Variants in ERCC8 observed in about 807,000 individuals in gnomAD.
The protein encoded by ERCC8 is ERCC excision repair 8, CSA ubiquitin ligase complex subunit.
ERCC8 carries 52 observed loss-of-function variants against 54.9 expected under a neutral mutation model. The observed-to-expected ratio is 0.95, with a 90% CI of 0.76 to 1.19. The LOEUF (loss-of-function observed/expected upper bound fraction) is 1.19, where lower values mean the gene tolerates loss of function less well. Among genes scored for constraint, ERCC8 ranks in the 50% most tolerant of loss-of-function variants. The pLI is 0.00. For missense variants in ERCC8, 514 were observed against 466.1 expected, an observed-to-expected ratio of 1.10 and a Z score of -0.95; for synonymous variants, 146 against 157.2, an observed-to-expected ratio of 0.93 and a Z score of 0.53.
intron 9 of ERCC8, chr5:60,893,627 A>G (rs961826376): frequency 1.9e-5 from 11 of 584,232 alleles, no homozygotes; most frequent in Non-Finnish European, 6.3e-6. Context: ...CTCTCTTCCT[A>G]TACTTCCGGC....
intron 1 of ERCC8, among the ~76,000 whole-genome samples, chr5:60,937,686 G>T (rs1435287263): frequency 6.6e-6 from 1 of 152,264 alleles, no homozygotes; most frequent in Non-Finnish European, 1.5e-5. Context: ...TTTCCAGCAG[G>T]GCTGAGGACT....
chr5:60,933,160 T>G (rs147087674), intron 1 of ERCC8, among the ~76,000 whole-genome samples: 2 of 151,890 alleles, frequency 1.3e-5, no homozygotes, highest in South Asian at 4.1e-4. Flanking sequence ...AAATGGCTTT[T>G]ATAGGATGTA....
At chr5:60,925,502 C>T (rs1462954803) in intron 2 of ERCC8, among the ~76,000 whole-genome samples, 1 of 152,174 alleles carries the variant, frequency 6.6e-6, no homozygotes, top group African/African-American at 2.4e-5. Context: ...AGTATGCCAT[C>T]TTCTCCCAGT....
chr5:60,877,073 G>C (rs1007545615), intron 11 of ERCC8, among the ~76,000 whole-genome samples: 16 of 152,158 alleles, frequency 1.1e-4, no homozygotes, highest in Non-Finnish European at 2.2e-4. Context: ...GTAAGGAAGG[G>C]ATCCAGTTTC....
intron 1 of ERCC8, among the ~76,000 whole-genome samples, chr5:60,929,190 C>G (rs115033096): frequency 2.6e-5 from 4 of 151,716 alleles, no homozygotes; most frequent in Non-Finnish European, 5.9e-5. Context: ...GAAATTTGTA[C>G]GAAAAAAGTT....
intron 9 of ERCC8, among the ~76,000 whole-genome samples, chr5:60,894,901 G>T (rs2112481874): frequency 6.6e-6 from 1 of 151,990 alleles, no homozygotes; most frequent in African/African-American, 2.4e-5. Flanking sequence ...GGCTGGGCGT[G>T]GTCTCACTCC....
intron 4 of ERCC8, among the ~76,000 whole-genome samples, chr5:60,914,035 T>A (rs1039497219): frequency 1.3e-5 from 2 of 152,174 alleles, no homozygotes; most frequent in African/African-American, 4.8e-5. Flanking sequence ...CTGGAATAAG[T>A]GCAATGTGGT....
chr5:60,897,084 G>T (rs975102462), intron 9 of ERCC8, among the ~76,000 whole-genome samples: 5 of 152,042 alleles, frequency 3.3e-5, no homozygotes, highest in African/African-American at 1.2e-4. Context: ...TCTTCCTTGC[G>T]TATCCCAAGG....
rs1043679457 is a variant in ERCC8 at position 60,927,745 on chromosome 5, C to G, written c.173+1119G>C. On this transcript the variant is annotated intron_variant, in intron 2 of 11. Coordinates refer to ENST00000676185, the MANE Select transcript of ERCC8 (RefSeq NM_000082.4). ...GCATGTTTCATAAGTGAGTGCCCCCCCAGCTGTCCTTGAATAGAAGGTGTT... is the reference window on the plus strand; with the variant it reads ...GCATGTTTCATAAGTGAGTGCCCCCGCAGCTGTCCTTGAATAGAAGGTGTT... 2.6e-5 allele frequency among the ~76,000 whole-genome samples: 4 copies of G among 152,098 alleles called. No individual in the cohort carries two copies. The highest frequency in any genetic ancestry group is 5.9e-5 in the Non-Finnish European group (4 of 68,010).
At position 60,902,456 on chromosome 5, in the gene ERCC8, G is replaced by A. The variant is rs1482153763; in HGVS notation, c.603C>T (p.Ile201=). The A allele has an allele frequency of 6.2e-7, 1 of 1,611,830 alleles. No homozygotes were observed. The highest frequency in any genetic ancestry group is 1.7e-5 in the Admixed American group (1 of 59,980). The change falls in exon 7 of 12, where the codon ATC becomes ATT. Residue 201 remains isoleucine (I), a synonymous_variant. Coordinates refer to ENST00000676185, the MANE Select transcript of ERCC8 (RefSeq NM_000082.4). ...AVSWSPRYDY[I]LATASADSRV... ...TTAAATTTTACCTTGCTGTTGCCAA[G>A]ATATAGTCATAACGTGGAGACCAGG...
At chr5:60,887,097 A>C (rs924588954) in intron 11 of ERCC8, among the ~76,000 whole-genome samples, 1 of 152,248 alleles carries the variant, frequency 6.6e-6, no homozygotes, top group Non-Finnish European at 1.5e-5. Context: ...AAACAAATCA[A>C]AATGTTAATA....
intron 9 of ERCC8, chr5:60,891,808 C>T (rs1040747109): frequency 6.3e-6 from 2 of 319,336 alleles, no homozygotes; most frequent in African/African-American, 4.3e-5. Context: ...GGCAAAGACA[C>T]ATAGTTGGGG....
At position 60,899,702 on chromosome 5, in the gene ERCC8, C is replaced by G. The variant is rs779476152; in HGVS notation, c.643G>C (p.Asp215His). The change falls in exon 8 of 12, where the codon GAT (aspartate) becomes CAT (histidine). Residue 215 changes from aspartate (D) to histidine (H), a missense_variant. Asp to His is a moderately conservative substitution (Grantham distance 81). Transcript: ENST00000676185. ...AAACATCCTGATGCTCTTCTCACAT[C>G]CCATAATTTTACTCTACTGTCAGCA... ...ASADSRVKLW[D>H]VRRASGCLIT... 1 of 1,611,998 alleles carries G rather than the reference C, an allele frequency of 6.2e-7. No individual in the cohort carries two copies. Among genetic ancestry groups the G allele is most frequent in the Non-Finnish European group, 8.5e-7 (1 of 1,178,664 alleles).
At chr5:60,903,761 C>CAAGGA in intron 5 of ERCC8, 45 bp from the exon 6 acceptor site, 1 of 1,580,704 alleles carries the variant, frequency 6.3e-7, no homozygotes, top group Non-Finnish European at 8.7e-7. Flanking sequence ...CATAAGTCAT[C>CAAGGA]ATCAAAAGGA....
intron 4 of ERCC8, among the ~76,000 whole-genome samples, chr5:60,916,321 T>G (rs149608271): frequency 3.3e-4 from 50 of 152,182 alleles, no homozygotes; most frequent in African/African-American, 1.2e-3. Flanking sequence ...ATCCAATGCC[T>G]GTCTTCTCAG....
intron 3 of ERCC8, 121 bp downstream of exon 3, chr5:60,921,933 T>A: frequency 1.7e-6 from 1 of 580,936 alleles, no homozygotes; most frequent in Non-Finnish European, 3.1e-6. Context: ...GCCATGCAAA[T>A]GTGTTATGTG....
intron 11 of ERCC8, among the ~76,000 whole-genome samples, chr5:60,886,881 T>C (rs4647133): frequency 6.6e-6 from 1 of 152,012 alleles, no homozygotes; most frequent in Non-Finnish European, 1.5e-5. Context: ...TTTACAATAA[T>C]CAACAGAAAT....
chr5:60,907,114 T>C (rs982223389), intron 4 of ERCC8, among the ~76,000 whole-genome samples: 9 of 152,336 alleles, frequency 5.9e-5, no homozygotes, highest in Non-Finnish European at 1.2e-4. Flanking sequence ...ATTTCAGTAA[T>C]GACTGCCAGT....
Position 60,899,706 on chromosome 5 carries a change from T to A in ERCC8, c.639A>T (p.Leu213Phe), listed in dbSNP as rs749238707. The A allele has an allele frequency of 5.0e-6, 8 of 1,611,812 alleles. No individual in the cohort carries two copies. In the East Asian group the frequency reaches 1.8e-4, roughly 36 times the overall value. Residue 213 changes from leucine (L) to phenylalanine (F), a missense_variant, in exon 8 of 12, where the codon TTA becomes TTT. Coordinates refer to ENST00000676185, the MANE Select transcript of ERCC8 (RefSeq NM_000082.4). ...ATCCTGATGCTCTTCTCACATCCCA[T>A]AATTTTACTCTACTGTCAGCACTGA... is the stretch of plus-strand genomic sequence containing the variant. ...ATASADSRVK[L>F]WDVRRASGCL...
Sources: gnomAD v4.1 joint callset for allele counts (sites outside exome capture counted in the v4.1 genomes callset) on GRCh38, gnomAD v4.1.1 for gene constraint, MANE v1.5 for transcripts, NCBI Gene and HGNC (gene_info 2026-07-23, HGNC 2026-07-21) for gene names.